The following ZNF701 variants were observed in gnomAD, a reference collection of about 807,000 sequenced individuals.
The protein encoded by ZNF701 is zinc finger protein 701.
A neutral mutation model predicts 7.1 loss-of-function variants in ZNF701; 6 were observed. The observed-to-expected ratio is 0.84, with a 90% CI of 0.46 to 1.66. The LOEUF (loss-of-function observed/expected upper bound fraction) is 1.66, where lower values mean the gene tolerates loss of function less well. ZNF701 is among the 40% of genes most tolerant of loss of function. The pLI, the probability that ZNF701 is intolerant of heterozygous loss-of-function variation, is 0.01. For synonymous variants in ZNF701, 166 were observed against 188.2 expected (o/e 0.88, Z 0.97); for missense variants, 541 against 559.2 (o/e 0.97, Z 0.33).
At chr19:52,599,678 G>A in the ZNF701 span, among the ~76,000 whole-genome samples, 5 of 152,122 alleles carry the variant, frequency 3.3e-5, no homozygotes, top group South Asian at 2.1e-4. Flanking sequence ...ACTTGGGAAC[G>A]CTGATCCCAT....
At chr19:52,572,470 A>G in intron 1 of ZNF701, 1 of 1,200,320 alleles carries the variant, frequency 8.3e-7, no homozygotes, top group Non-Finnish European at 1.1e-6. Context: ...CAGAACTTGC[A>G]AAGGAAGTTT....
chr19:52,583,910 T>C lies in ZNF701; in HGVS notation c.*453T>C. The C allele has an allele frequency of 2.4e-6, 1 of 412,598 alleles. No homozygotes were observed. The highest frequency in any genetic ancestry group is 4.8e-6 in the Non-Finnish European group (1 of 207,400). 25.6% of individuals were successfully genotyped at this position (412,598 alleles called of 1,614,324 possible). On this transcript the variant is annotated 3_prime_UTR_variant, in exon 4 of 4. Transcript: ENST00000391785. ...ATGTGGCAAGTTTTTCAGACATCAT[T>C]CATAACTTGCAGTTCATTGGCGATC... is the stretch of plus-strand genomic sequence containing the variant.
the ZNF701 span, among the ~76,000 whole-genome samples, chr19:52,593,562 G>A: frequency 1.8e-4 from 21 of 114,042 alleles, no homozygotes; most frequent in African/African-American, 6.5e-4. Flanking sequence ...CCTCCGGGAC[G>A]AGGTGGCTGC....
At chr19:52,592,304 T>C in the ZNF701 span, 2 of 1,394,712 alleles carry the variant, frequency 1.4e-6, no homozygotes, top group Non-Finnish European at 2.0e-6. Flanking sequence ...GTATTCTCTT[T>C]TGTGATGTTG....
chr19:52,587,567 G>A (rs114997970), downstream of ZNF701, among the ~76,000 whole-genome samples: 716 of 152,150 alleles, frequency 4.7e-3, 3 homozygotes, highest in Admixed American at 6.3e-3. Flanking sequence ...ACATTGCAGC[G>A]CCACCTTCAC....
chr19:52,573,782 G>A (rs1214998258), intron 1 of ZNF701, among the ~76,000 whole-genome samples: 4 of 152,204 alleles, frequency 2.6e-5, no homozygotes, highest in Admixed American at 2.6e-4. Context: ...TTCCCAGAGC[G>A]GTGGGATGAC....
chr19:52,582,777 G>C lies in ZNF701; in HGVS notation c.718G>C (p.Asp240His). The stretch of plus-strand genomic sequence containing the variant: ...AAAACATCAGATAATCCATTTAGGA[G>C]ACAAACAGTATAAATGTGATGTATG... Reference protein sequence around the residue: ...LKKHQIIHLGDKQYKCDVCGK... With the variant: ...LKKHQIIHLGHKQYKCDVCGK... Residue 240 changes from aspartate to histidine, a missense_variant, in exon 4 of 4, where the codon GAC becomes CAC. Physicochemically the swap from Asp to His is moderately conservative, Grantham distance 81. Transcript: ENST00000391785. 6.2e-7 allele frequency: 1 copy of C among 1,614,114 alleles called. No homozygotes were observed. The highest frequency in any genetic ancestry group is 8.5e-7 in the Non-Finnish European group (1 of 1,180,018).
At chr19:52,591,712 C>T (rs4450518), downstream of ZNF701, among the ~76,000 whole-genome samples, 47,038 of 151,990 alleles carry the variant, frequency 0.31, 7,327 homozygotes, top group Admixed American at 0.36. Context: ...GGTGCCACCA[C>T]GCCCAGCTAA....
rs1254060929 is a variant in ZNF701 at position 52,586,152 on chromosome 19, C to T, written c.*2695C>T. ...AACCTCCTGGGCTCAAGGGATCCTC[C>T]CACCTCAGCCTGCAGAGTAGCTGGG... On this transcript the variant is annotated 3_prime_UTR_variant, in exon 4 of 4. Transcript: ENST00000391785. 6.6e-6 allele frequency: 1 copy of T among 152,262 alleles called. No individual in the cohort carries two copies. The highest frequency in any genetic ancestry group is 2.1e-4 in the South Asian group (1 of 4,812). 9.4% of individuals were successfully genotyped at this position (152,262 alleles called of 1,614,324 possible).
At chr19:52,598,426 G>T in the ZNF701 span, among the ~76,000 whole-genome samples, 10 of 152,236 alleles carry the variant, frequency 6.6e-5, no homozygotes, top group Middle Eastern at 3.4e-3. Flanking sequence ...GGGGCAGGGT[G>T]GGGGAGAGGG....
the ZNF701 span, chr19:52,598,608 T>G: frequency 6.6e-6 from 1 of 152,094 alleles, no homozygotes; most frequent in Admixed American, 6.6e-5. Context: ...AATTTCATAT[T>G]TCATGGAAAT....
At chr19:52,581,146 T>TA (rs1199479613) in intron 3 of ZNF701, among the ~76,000 whole-genome samples, 2 of 151,914 alleles carry the variant, frequency 1.3e-5, no homozygotes, top group African/African-American at 2.4e-5. Context: ...ACAAAATTTT[T>TA]AAAAAAAAGT....
chr19:52,596,087 C>G, the ZNF701 span: 8 of 1,144,624 alleles, frequency 7.0e-6, no homozygotes, highest in Non-Finnish European at 9.1e-6. Context: ...CACACAAATA[C>G]AAGAAGTACA....
At chr19:52,596,326 C>T in the ZNF701 span, 2 of 399,180 alleles carry the variant, frequency 5.0e-6, no homozygotes, top group East Asian at 1.3e-4. Context: ...AGAAGTCATC[C>T]CTTCAGTGTC....
Position 52,582,956 on chromosome 19 carries a change from G to C in ZNF701, c.897G>C (p.Lys299Asn), listed in dbSNP as rs143730759. The change falls in exon 4 of 4, where the codon AAG becomes AAC. Residue 299 changes from lysine to asparagine, a missense_variant. Physicochemically the swap from Lys to Asn is moderately conservative, Grantham distance 94. Transcript: ENST00000391785. ...KAIHTGEKPYKCNECGKVFNQ... is the reference protein window; with the variant it reads ...KAIHTGEKPYNCNECGKVFNQ... ...TTCATACTGGAGAGAAACCTTACAAGTGTAATGAATGTGGCAAGGTTTTTA... is the reference window on the plus strand; with the variant it reads ...TTCATACTGGAGAGAAACCTTACAACTGTAATGAATGTGGCAAGGTTTTTA... 1.2e-6 allele frequency: 2 copies of C among 1,614,076 alleles called. No homozygotes were observed. Among genetic ancestry groups the C allele is most frequent in the South Asian group, 2.2e-5 (2 of 91,076 alleles).
chr19:52,583,663 A>G lies in ZNF701; in HGVS notation c.*206A>G, dbSNP rs1447395955. 2.2e-5 allele frequency: 23 copies of G among 1,038,972 alleles called. No homozygotes were observed. The highest frequency in any genetic ancestry group is 3.2e-5 in the Non-Finnish European group (21 of 658,578). 64.4% of individuals were successfully genotyped at this position (1,038,972 alleles called of 1,614,324 possible). A position where few individuals can be genotyped will look rare whatever the true frequency, so the allele number is the denominator to read the frequency against. On this transcript the variant is annotated 3_prime_UTR_variant, in exon 4 of 4. Coordinates refer to ENST00000391785, the MANE Select transcript of ZNF701 (RefSeq NM_018260.3). ...GACAAGGATTTCGGGTGTGATTCAC[A>G]CCTGGCCCAACATACTGGAATTCAC...
chr19:52,591,030 G>A (rs528533759), downstream of ZNF701, among the ~76,000 whole-genome samples: 6 of 152,100 alleles, frequency 3.9e-5, no homozygotes, highest in South Asian at 6.2e-4. Context: ...AATAGAGACG[G>A]GGTTTTACCA....
At chr19:52,574,047 A>G (rs764760724) in intron 1 of ZNF701, 30 bp from the exon 2 acceptor site, 1 of 1,599,492 alleles carries the variant, frequency 6.3e-7, no homozygotes, top group South Asian at 1.1e-5. Context: ...GTTGATTCTG[A>G]GCAGTAAACA....
chr19:52,579,618 A>T (rs10460163), intron 3 of ZNF701, among the ~76,000 whole-genome samples: 1 of 140,870 alleles, frequency 7.1e-6, no homozygotes, highest in South Asian at 2.1e-4. Flanking sequence ...TCATGCCTAT[A>T]ATCCCAGTAA....
Sources: gnomAD v4.1 joint callset for allele counts (sites outside exome capture counted in the v4.1 genomes callset) on GRCh38, gnomAD v4.1.1 for gene constraint, MANE v1.5 for transcripts, NCBI Gene and HGNC (gene_info 2026-07-23, HGNC 2026-07-21) for gene names.